Variants in HOMER2 observed in about 807,000 individuals in gnomAD.
The protein encoded by HOMER2 is homer protein homolog 2.
HOMER2 carries 27 observed loss-of-function variants against 47.0 expected under a neutral mutation model. That is an observed-to-expected ratio of 0.57 (90% CI 0.42 to 0.79). HOMER2 has a LOEUF of 0.79. HOMER2 is among the 30% of genes least tolerant of loss of function. The pLI, the probability that HOMER2 is intolerant of heterozygous loss-of-function variation, is 0.00. For synonymous variants in HOMER2, 161 were observed against 163.8 expected (o/e 0.98, Z 0.13); for missense variants, 443 against 435.0 (o/e 1.02, Z -0.16).
At chr15:82,967,660 G>A (rs1596387343) in intron 1 of HOMER2, among the ~76,000 whole-genome samples, 2 of 152,252 alleles carry the variant, frequency 1.3e-5, no homozygotes, top group South Asian at 4.1e-4. Flanking sequence ...TGGATCACGA[G>A]GTCAGGAGTT....
intron 3 of HOMER2, among the ~76,000 whole-genome samples, chr15:82,867,724 CTT>C (rs1245095927): frequency 1.3e-5 from 2 of 152,078 alleles, no homozygotes. Context: ...GGAAATATGT[CTT>C]GTTAGTGAAA....
downstream of HOMER2, chr15:82,847,376 A>T (rs1157143798): frequency 6.6e-6 from 1 of 152,232 alleles, no homozygotes; most frequent in African/African-American, 2.4e-5. Context: ...TTTCCCTTTA[A>T]GGGAGTCCTT....
At chr15:82,927,884 TGATTGAAACCGG>T (rs2053893611) in intron 1 of HOMER2, among the ~76,000 whole-genome samples, 1 of 150,594 alleles carries the variant, frequency 6.6e-6, no homozygotes, top group African/African-American at 2.4e-5. Context: ...GAAGGAGAAT[TGATTGAAACCGG>T]GAGGCGGAAG....
chr15:82,850,386 G>T (rs7164936), intron 8 of HOMER2, among the ~76,000 whole-genome samples: 4,712 of 152,290 alleles, frequency 0.031, 235 homozygotes, highest in African/African-American at 0.11. Flanking sequence ...GGAAGGACTG[G>T]CCATGCCAAT....
At chr15:82,906,167 C>T (rs530792706) in intron 1 of HOMER2, among the ~76,000 whole-genome samples, 39 of 150,100 alleles carry the variant, frequency 2.6e-4, no homozygotes, top group Admixed American at 1.7e-3. Context: ...AGTAAAAAAG[C>T]GTAAAAAAAG....
chr15:82,964,729 C>T (rs2054658213), intron 1 of HOMER2, among the ~76,000 whole-genome samples: 1 of 152,114 alleles, frequency 6.6e-6, no homozygotes, highest in African/African-American at 2.4e-5. Context: ...AAGATCACAC[C>T]ACTGCACTCC....
At chr15:82,841,751 C>T (rs2051178336) in exon 2 of HOMER2, 1 of 152,164 alleles carries the variant, frequency 6.6e-6, no homozygotes, top group Admixed American at 6.5e-5. Context: ...CAGTAACTGG[C>T]TAGTTACAAA....
intron 1 of HOMER2, among the ~76,000 whole-genome samples, chr15:82,922,872 C>T (rs1434848156): frequency 6.6e-6 from 1 of 152,134 alleles, no homozygotes; most frequent in Admixed American, 6.5e-5. Context: ...CTGTGCTTTC[C>T]GAGGAGCTGT....
At chr15:82,871,996 C>A (rs1387169780) in intron 3 of HOMER2, among the ~76,000 whole-genome samples, 2 of 152,138 alleles carry the variant, frequency 1.3e-5, no homozygotes, top group African/African-American at 4.8e-5. Context: ...AACTTCCAGC[C>A]CTGGGAGGGA....
At position 82,947,212 on chromosome 15, in the gene HOMER2, C is replaced by T. The variant is rs78149547; in HGVS notation, c.5+5319G>A. On this transcript the variant is annotated intron_variant, in intron 1 of 8. Coordinates refer to ENST00000450735, the MANE Select transcript of HOMER2 (RefSeq NM_004839.4). ...CCTCAACATATCTGAAAGACTGTAT[C>T]TATTGCAGTCAACTCAAACCCCAAA... Among the ~76,000 whole-genome samples, 737 of 152,288 alleles carry T rather than the reference C, an allele frequency of 4.8e-3. 4 individuals carry two copies. Among genetic ancestry groups the T allele is most frequent in the African/African-American group, 0.016 (656 of 41,550 alleles).
intron 3 of HOMER2, among the ~76,000 whole-genome samples, chr15:82,873,872 G>A (rs1164840980): frequency 2.0e-5 from 3 of 152,172 alleles, no homozygotes; most frequent in African/African-American, 7.2e-5. Flanking sequence ...GTGCGCTGGG[G>A]ACCTCCTTAG....
upstream of HOMER2, among the ~76,000 whole-genome samples, chr15:82,957,226 A>G (rs2054594776): frequency 6.6e-6 from 1 of 151,948 alleles, no homozygotes; most frequent in Non-Finnish European, 1.5e-5. Flanking sequence ...GCAGTGAGCC[A>G]AGATACTGTG....
intron 1 of HOMER2, among the ~76,000 whole-genome samples, chr15:82,980,440 T>C (rs748384690): frequency 2.0e-5 from 3 of 152,170 alleles, no homozygotes; most frequent in Non-Finnish European, 2.9e-5. Context: ...GAAACTCCAA[T>C]AAAGGCTCCG....
At position 82,917,156 on chromosome 15, in the gene HOMER2, C is replaced by T. The variant is rs188662935; in HGVS notation, c.6-24315G>A. ...TCTAACTCACAGTTAACCCACTGAA[C>T]AAGAAGTACCCATTTCTGATTTGCA... On this transcript the variant is annotated intron_variant, in intron 1 of 8. Coordinates refer to ENST00000450735, the MANE Select transcript of HOMER2 (RefSeq NM_004839.4). Among the ~76,000 whole-genome samples the T allele has an allele frequency of 3.7e-4, 56 of 152,326 alleles. 1 individual carries two copies. In the East Asian group the frequency reaches 8.1e-3, roughly 22 times the overall value.
chr15:82,941,519 G>C (rs566831284), intron 1 of HOMER2, among the ~76,000 whole-genome samples: 63 of 147,842 alleles, frequency 4.3e-4, no homozygotes, highest in Non-Finnish European at 7.4e-4. Flanking sequence ...TTCCCTTACT[G>C]CCTACAGACT....
chr15:82,851,591 C>T (rs953015309), intron 7 of HOMER2, among the ~76,000 whole-genome samples: 3 of 152,144 alleles, frequency 2.0e-5, no homozygotes, highest in Admixed American at 2.0e-4. Flanking sequence ...GGCATGGTGG[C>T]AGTGAGTGCA....
chr15:82,930,989 G>A (rs1053510609), intron 1 of HOMER2, among the ~76,000 whole-genome samples: 2 of 152,024 alleles, frequency 1.3e-5, no homozygotes. Context: ...TGCACCTCCT[G>A]CCCTGTGCAC....
chr15:82,921,165 A>C (rs2053718663), intron 1 of HOMER2, among the ~76,000 whole-genome samples: 1 of 152,096 alleles, frequency 6.6e-6, no homozygotes, highest in Admixed American at 6.5e-5. Flanking sequence ...GTGTGGTGGC[A>C]CACACCTGTA....
chr15:82,901,633 A>G (rs1274055048), intron 1 of HOMER2, among the ~76,000 whole-genome samples: 1 of 152,194 alleles, frequency 6.6e-6, no homozygotes, highest in African/African-American at 2.4e-5. Context: ...TGGCACAGGA[A>G]GCGGGTGGCA....
Sources: gnomAD v4.1 joint callset for allele counts (sites outside exome capture counted in the v4.1 genomes callset) on GRCh38, gnomAD v4.1.1 for gene constraint, MANE v1.5 for transcripts, NCBI Gene and HGNC (gene_info 2026-07-23, HGNC 2026-07-21) for gene names.